Variants in NRG3 observed in about 807,000 individuals in gnomAD.
NRG3 encodes the protein pro-neuregulin-3, membrane-bound isoform.
A neutral mutation model predicts 66.9 loss-of-function variants in NRG3; 31 were observed. The ratio of observed to expected loss-of-function variants is 0.46; its 90% CI spans 0.35 to 0.63. The LOEUF is 0.63. NRG3 is among the 20% of genes least tolerant of loss of function. NRG3 has a pLI of 0.00. For synonymous variants in NRG3, 393 were observed against 359.4 expected (o/e 1.09, Z -1.06); for missense variants, 910 against 878.9 (o/e 1.04, Z -0.45).
At chr10:81,938,936 A>T (rs897905226) in intron 1 of NRG3, among the ~76,000 whole-genome samples, 1 of 152,090 alleles carries the variant, frequency 6.6e-6, no homozygotes, top group South Asian at 2.1e-4. Context: ...ATTTTCTTCT[A>T]TTCCTAGTTT....
chr10:82,607,436 A>G (rs978102411), intron 2 of NRG3, among the ~76,000 whole-genome samples: 2 of 148,082 alleles, frequency 1.4e-5, no homozygotes, highest in Non-Finnish European at 3.0e-5. Context: ...AGCATGGTAC[A>G]TTTTTCTCCA....
intron 4 of NRG3, among the ~76,000 whole-genome samples, chr10:82,918,012 C>A (rs77431869): frequency 0.011 from 1,383 of 129,542 alleles, 17 homozygotes; most frequent in African/African-American, 0.017. Context: ...GTATCTCTCT[C>A]TATATATATA....
intron 2 of NRG3, among the ~76,000 whole-genome samples, chr10:82,706,853 G>C (rs565354409): frequency 1.8e-4 from 27 of 151,920 alleles, no homozygotes; most frequent in South Asian, 1.0e-3. Flanking sequence ...AATTAGCCAG[G>C]CGTGGTGGTG....
At chr10:82,318,353 GT>G (rs1445074866) in intron 1 of NRG3, among the ~76,000 whole-genome samples, 1 of 152,080 alleles carries the variant, frequency 6.6e-6, no homozygotes, top group Non-Finnish European at 1.5e-5. Context: ...CTTTCACAGA[GT>G]ATATTTTCCA....
At chr10:82,168,692 AT>A (rs1214564480) in intron 1 of NRG3, among the ~76,000 whole-genome samples, 11 of 152,126 alleles carry the variant, frequency 7.2e-5, no homozygotes, top group Admixed American at 1.3e-4. Context: ...GTGCAAGGTA[AT>A]TAACCCAGCA....
At chr10:82,233,648 G>A (rs7084937) in intron 1 of NRG3, among the ~76,000 whole-genome samples, 61,232 of 151,684 alleles carry the variant, frequency 0.4, 14,990 homozygotes, top group African/African-American at 0.69. Flanking sequence ...TGAATTTTCA[G>A]ATATGTCCAA....
chr10:82,427,392 T>C (rs1470395150), intron 2 of NRG3, among the ~76,000 whole-genome samples: 1 of 152,192 alleles, frequency 6.6e-6, no homozygotes, highest in East Asian at 1.9e-4. Context: ...TATGAAAGAA[T>C]GTGAGACTTT....
At chr10:82,509,553 C>G (rs1844985819) in intron 2 of NRG3, among the ~76,000 whole-genome samples, 1 of 152,174 alleles carries the variant, frequency 6.6e-6, no homozygotes, top group South Asian at 2.1e-4. Context: ...TGGCCCTAAA[C>G]AATCAGTAAG....
chr10:82,618,361 C>A (rs2048807637), intron 2 of NRG3, among the ~76,000 whole-genome samples: 2 of 151,994 alleles, frequency 1.3e-5, no homozygotes, highest in Non-Finnish European at 2.9e-5. Context: ...GTCCAATAGT[C>A]ATTAGAAAAT....
chr10:82,831,920 C>T (rs530491025), intron 3 of NRG3, among the ~76,000 whole-genome samples: 1 of 152,278 alleles, frequency 6.6e-6, no homozygotes, highest in Admixed American at 6.5e-5. Context: ...AACTACCTAC[C>T]TCCCTGGGAT....
At chr10:82,063,416 A>AT (rs147664421) in intron 1 of NRG3, among the ~76,000 whole-genome samples, 2,745 of 152,084 alleles carry the variant, frequency 0.018, 61 homozygotes, top group African/African-American at 0.055. Flanking sequence ...GTATAAACAT[A>AT]TTTTTAACAT....
chr10:82,677,556 C>T (rs1304880543), intron 2 of NRG3, among the ~76,000 whole-genome samples: 2 of 152,106 alleles, frequency 1.3e-5, no homozygotes, highest in African/African-American at 4.8e-5. Context: ...CATTTTCTCC[C>T]TCTTTCTTTT....
At chr10:81,918,445 G>C (rs937808451) in intron 1 of NRG3, among the ~76,000 whole-genome samples, 3 of 152,102 alleles carry the variant, frequency 2.0e-5, no homozygotes, top group African/African-American at 7.2e-5. Flanking sequence ...CTCAGATCAG[G>C]TACTCCATCA....
At chr10:82,087,409 A>G (rs1297094607) in intron 1 of NRG3, among the ~76,000 whole-genome samples, 1 of 152,060 alleles carries the variant, frequency 6.6e-6, no homozygotes, top group East Asian at 1.9e-4. Flanking sequence ...TCTCTGAACT[A>G]ACTGTTCAGA....
At chr10:82,112,103 G>T (rs1444249581) in intron 1 of NRG3, among the ~76,000 whole-genome samples, 1 of 152,072 alleles carries the variant, frequency 6.6e-6, no homozygotes, top group African/African-American at 2.4e-5. Flanking sequence ...AAACAGCTGG[G>T]CATGGTGGCA....
intron 3 of NRG3, among the ~76,000 whole-genome samples, chr10:82,772,443 T>C (rs2201577): frequency 0.19 from 28,171 of 151,996 alleles, 4,190 homozygotes; most frequent in African/African-American, 0.41. Flanking sequence ...TATATATCTG[T>C]CACTTTGTGT....
rs1416400051 is a variant in NRG3 at position 82,738,498 on chromosome 10, T to C, written c.954-79T>C. 2.7e-6 allele frequency: 3 copies of C among 1,096,946 alleles called. No individual in the cohort carries two copies. In the East Asian group the frequency reaches 7.1e-5, roughly 26 times the overall value. The allele number at this position is 1,096,946 out of a possible 1,614,324, so 68.0% of individuals were successfully genotyped here. A position where few individuals can be genotyped will look rare whatever the true frequency, so the allele number is the denominator to read the frequency against. On this transcript the variant is annotated intron_variant, in intron 2 of 8. Coordinates refer to ENST00000372141, the MANE Select transcript of NRG3 (RefSeq NM_001010848.4). ...TGTACTGTTCTCACATTTATGTAATTGATGGCTATTTTACTTGTTGAAATC... is the reference window on the plus strand; with the variant it reads ...TGTACTGTTCTCACATTTATGTAATCGATGGCTATTTTACTTGTTGAAATC...
In NRG3 at chr10:82,783,275, C is replaced by T. The variant is rs376351831; in HGVS notation, c.1027+44625C>T. On this transcript the variant is annotated intron_variant, in intron 3 of 8. Transcript: ENST00000372141. ...ATACTGAATGGGCAAAAACTGGAAG[C>T]ATTCCCTTTGAAAACTGGCACAAGA... Among the ~76,000 whole-genome samples, 22 of 151,092 alleles carry T rather than the reference C, an allele frequency of 1.5e-4. No homozygotes were observed. In the East Asian group the frequency reaches 4.1e-3, roughly 28 times the overall value.
At chr10:82,086,901 G>T (rs1179078439) in intron 1 of NRG3, among the ~76,000 whole-genome samples, 1 of 152,102 alleles carries the variant, frequency 6.6e-6, no homozygotes, top group Non-Finnish European at 1.5e-5. Flanking sequence ...TGTTGACTCT[G>T]ACAATAGTAA....
Sources: gnomAD v4.1 joint callset for allele counts (sites outside exome capture counted in the v4.1 genomes callset) on GRCh38, gnomAD v4.1.1 for gene constraint, MANE v1.5 for transcripts, NCBI Gene and HGNC (gene_info 2026-07-23, HGNC 2026-07-21) for gene names.